The following SLC25A3 variants were observed in gnomAD, a reference collection of about 807,000 sequenced individuals.
SLC25A3 encodes the protein solute carrier family 25 member 3.
A neutral mutation model predicts 37.1 loss-of-function variants in SLC25A3; 14 were observed. The observed-to-expected ratio is 0.38, with a 90% confidence interval of 0.25 to 0.59. The LOEUF (loss-of-function observed/expected upper bound fraction) is 0.59, where lower values mean the gene tolerates loss of function less well. SLC25A3 is among the 20% of genes least tolerant of loss of function. The probability of loss-of-function intolerance (pLI) is 0.67; values close to 1 mark genes in which losing one functional copy is unlikely to be tolerated. For synonymous variants in SLC25A3, 161 were observed against 168.7 expected, an observed-to-expected ratio of 0.95 and a Z score of 0.36; for missense variants, 385 against 458.1, an observed-to-expected ratio of 0.84 and a Z score of 1.46.
In SLC25A3 at chr12:98,595,753, A is replaced by C. The variant is rs753178528; in HGVS notation, c.184A>C (p.Lys62Gln). The stretch of plus-strand genomic sequence containing the variant: ...GTACAGTTGTGAATTTGGCTCCGCG[A>C]AGTATTATGCACTGTGTGGCTTTGG... ...EEYSCEFGSA[K>Q]YYALCGFGGV... Residue 62 changes from lysine to glutamine, a missense_variant, in exon 3 of 8, where the codon AAG (lysine) becomes CAG (glutamine). Physicochemically the swap from Lys to Gln is moderately conservative, Grantham distance 53. Around this residue, in one of 2 missense-constraint regions of SLC25A3, gnomAD observed 109 missense variants for 90.5 expected, o/e 1.20. Coordinates refer to ENST00000552981, the MANE Select transcript of SLC25A3 (RefSeq NM_002635.4). 1 of 1,614,098 alleles carries C rather than the reference A, an allele frequency of 6.2e-7. No individual in the cohort carries two copies.
At chr12:98,597,829 AT>A (rs771406641) in intron 3 of SLC25A3, 26 bp from the exon 4 acceptor site, 363 of 1,529,284 alleles carry the variant, frequency 2.4e-4, no homozygotes, top group Middle Eastern at 5.2e-4. Context: ...GGTGCATTTA[AT>A]TTTTTTTTTC....
At position 98,594,459 on chromosome 12, in the gene SLC25A3, C is replaced by T. The variant is rs147625673; in HGVS notation, c.157+324C>T. 36 of 657,528 alleles carry T rather than the reference C, an allele frequency of 5.5e-5. No individual in the cohort carries two copies. In the East Asian group the frequency reaches 9.5e-4, roughly 17 times the overall value. 40.7% of individuals were successfully genotyped at this position (657,528 alleles called of 1,614,324 possible). A position where few individuals can be genotyped will look rare whatever the true frequency, so the allele number is the denominator to read the frequency against. On this transcript the variant is annotated intron_variant, in intron 2 of 7. Transcript: ENST00000552981. Reference sequence around the variant, plus strand: ...GCAAACTAAGTACTGGGTAAACTCTCCTCCCGAAACTACTGACCACCCACA... The same window carrying T: ...GCAAACTAAGTACTGGGTAAACTCTTCTCCCGAAACTACTGACCACCCACA...
Position 98,593,999 on chromosome 12 carries a change from CCTGGCGCGGGCGAA to C in SLC25A3, c.23_36del (p.Leu8ProfsTer45). On this transcript the variant is annotated frameshift_variant, in exon 2 of 8. Coordinates refer to ENST00000552981, the MANE Select transcript of SLC25A3 (RefSeq NM_002635.4). LOFTEE classifies it high-confidence loss of function. ...GAAAGATGTTCTCGTCCGTGGCGCA[CCTGGCGCGGGCGAA>C]CCCCTTCAACACGCCACATCTGCAG... is the stretch of plus-strand genomic sequence containing the variant. 6.2e-7 allele frequency: 1 copy of C among 1,613,898 alleles called. No individual in the cohort carries two copies. Among genetic ancestry groups the C allele is most frequent in the Non-Finnish European group, 8.5e-7 (1 of 1,179,878 alleles).
In SLC25A3 at chr12:98,601,532, G is replaced by C. The variant is rs928840773; in HGVS notation, c.*4G>C. The C allele has an allele frequency of 6.3e-7, 1 of 1,584,496 alleles. No individual in the cohort carries two copies. Among genetic ancestry groups the C allele is most frequent in the African/African-American group, 1.3e-5 (1 of 74,432 alleles). ...GAAGCTTGGGTTAACTCAGTAGTTA[G>C]ATCAAAGCAAATGTGGACTGAATCT... is the stretch of plus-strand genomic sequence containing the variant. On this transcript the variant is annotated 3_prime_UTR_variant, in exon 8 of 8. Coordinates refer to ENST00000552981, the MANE Select transcript of SLC25A3 (RefSeq NM_002635.4).
Position 98,601,442 on chromosome 12 carries a change from T to C in SLC25A3, c.1000T>C (p.Ser334Pro), listed in dbSNP as rs373384258. 1 of 1,614,086 alleles carries C rather than the reference T, an allele frequency of 6.2e-7. No homozygotes were observed. Among genetic ancestry groups the C allele is most frequent in the Non-Finnish European group, 8.5e-7 (1 of 1,179,958 alleles). Residue 334 changes from serine to proline, a missense_variant, in exon 8 of 8, where the codon TCC (serine) becomes CCC (proline). Coordinates refer to ENST00000552981, the MANE Select transcript of SLC25A3 (RefSeq NM_002635.4). The stretch of plus-strand genomic sequence containing the variant: ...TGCACTACAGTGGTTTATCTATGAC[T>C]CCGTGAAGGTCTACTTCAGACTTCC... The part of the protein sequence containing the change: ...LTALQWFIYD[S>P]VKVYFRLPRP...
At chr12:98,601,127 T>G (rs1228859205) in intron 6 of SLC25A3, 44 bp from the exon 7 acceptor site, 1 of 1,601,204 alleles carries the variant, frequency 6.2e-7, no homozygotes, top group Non-Finnish European at 8.5e-7. Context: ...CTGTGAAGTT[T>G]TGTTTTTAAC....
chr12:98,593,916 G>C, intron 1 of SLC25A3, 59 bp from the exon 2 acceptor site: 1 of 1,605,090 alleles, frequency 6.2e-7, no homozygotes. Flanking sequence ...GTTCCAGGGC[G>C]CCGGTAACGT....
At position 98,595,424 on chromosome 12, in the gene SLC25A3, A is replaced by G. The variant is rs745305932; in HGVS notation, c.158-303A>G. The G allele has an allele frequency of 4.3e-6, 7 of 1,611,730 alleles. No homozygotes were observed. In the Admixed American group the frequency reaches 5.0e-5, roughly 12 times the overall value. Reference sequence around the variant, plus strand: ...TACTTACTTGATTTTTTTTTTTCCAATCAAACAGAGCAGTATAGCTGTGAC... The same window carrying G: ...TACTTACTTGATTTTTTTTTTTCCAGTCAAACAGAGCAGTATAGCTGTGAC... On this transcript the variant is annotated intron_variant, in intron 2 of 7. Coordinates refer to ENST00000552981, the MANE Select transcript of SLC25A3 (RefSeq NM_002635.4).
intron 2 of SLC25A3, chr12:98,594,985 C>T (rs1399707933): frequency 5.1e-6 from 1 of 196,212 alleles, no homozygotes; most frequent in African/African-American, 2.4e-5. Flanking sequence ...TATTTGACTG[C>T]AGGAATTTGT....
At position 98,599,948 on chromosome 12, in the gene SLC25A3, T is replaced by C. The variant is rs532741172; in HGVS notation, c.642-7T>C. Reference sequence around the variant, plus strand: ...AACTGTGTAAAACAAGTCTCTTGATTTCCTAGATTCTACAAGGGGGTTGCT... The same window carrying C: ...AACTGTGTAAAACAAGTCTCTTGATCTCCTAGATTCTACAAGGGGGTTGCT... On this transcript the variant is annotated splice_region_variant and splice_polypyrimidine_tract_variant and intron_variant, in intron 5 of 7. Coordinates refer to ENST00000552981, the MANE Select transcript of SLC25A3 (RefSeq NM_002635.4). 3 of 1,613,850 alleles carry C rather than the reference T, an allele frequency of 1.9e-6. No homozygotes were observed. The highest frequency in any genetic ancestry group is 2.2e-5 in the South Asian group (2 of 91,074).
chr12:98,597,682 C>T, intron 3 of SLC25A3, 174 bp from the exon 4 acceptor site: 3 of 850,424 alleles, frequency 3.5e-6, no homozygotes, highest in Non-Finnish European at 5.3e-6. Context: ...CCTCAGCCTC[C>T]CAAAGTGCTG....
chr12:98,601,627 A>G lies in SLC25A3; in HGVS notation c.*99A>G, dbSNP rs1592980907. ...TATTTGACAGTGTAGGAAATTGTCT[A>G]TTCCTGATATAATTACTGTAGTACT... On this transcript the variant is annotated 3_prime_UTR_variant, in exon 8 of 8. Coordinates refer to ENST00000552981, the MANE Select transcript of SLC25A3 (RefSeq NM_002635.4). 1.3e-6 allele frequency: 1 copy of G among 795,458 alleles called. No homozygotes were observed. Among genetic ancestry groups the G allele is most frequent in the Admixed American group, 1.9e-5 (1 of 51,300 alleles). 49.3% of individuals were successfully genotyped at this position (795,458 alleles called of 1,614,324 possible).
intron 1 of SLC25A3, 25 bp downstream of exon 1, chr12:98,593,765 G>GT: frequency 1.6e-6 from 1 of 612,588 alleles, no homozygotes; most frequent in Non-Finnish European, 2.9e-6. Context: ...GCCTTCTCCT[G>GT]TGGCGGGTGT....
rs58696104 is a variant in SLC25A3, at chr12:98,604,269, T to C, written c.*2741T>C. On this transcript the variant is annotated 3_prime_UTR_variant, in exon 8 of 8. Transcript: ENST00000552981. ...CTCTGTCTCAAAAAAAAAAAATATATATATATATATATATATATGAAGCTG... is the reference window on the plus strand; with the variant it reads ...CTCTGTCTCAAAAAAAAAAAATATACATATATATATATATATATGAAGCTG... The C allele has an allele frequency of 3.8e-5, 5 of 133,086 alleles. No individual in the cohort carries two copies. Among genetic ancestry groups the C allele is most frequent in the East Asian group, 2.1e-4 (1 of 4,850 alleles). The allele number at this position is 133,086 out of a possible 1,614,324, so 8.2% of individuals were successfully genotyped here. A position where few individuals can be genotyped will look rare whatever the true frequency, so the allele number is the denominator to read the frequency against.
chr12:98,600,749 G>GTT (rs2097597217), intron 6 of SLC25A3, among the ~76,000 whole-genome samples: 1 of 152,158 alleles, frequency 6.6e-6, no homozygotes, highest in Admixed American at 6.5e-5. Flanking sequence ...ATGTTGATGA[G>GTT]TCTGGTCTCA....
intron 6 of SLC25A3, among the ~76,000 whole-genome samples, chr12:98,600,380 A>G (rs558539025): frequency 1.6e-4 from 25 of 151,708 alleles, no homozygotes; most frequent in Admixed American, 2.6e-4. Context: ...TGGGACGGGC[A>G]TGCACCGCCA....
chr12:98,594,617 T>C, intron 2 of SLC25A3: 1 of 499,290 alleles, frequency 2.0e-6, no homozygotes, highest in South Asian at 2.2e-5. Context: ...TAACTAGATG[T>C]CCTGTTTTCG....
rs1037713161 is a variant in SLC25A3, at chr12:98,604,713, C to G, written c.*3185C>G. 2 of 148,518 alleles carry G rather than the reference C, an allele frequency of 1.3e-5. No homozygotes were observed. The highest frequency in any genetic ancestry group is 2.9e-5 in the Non-Finnish European group (2 of 67,854). The allele number at this position is 148,518 out of a possible 1,614,324, so 9.2% of individuals were successfully genotyped here. ...CCTGGCCTCAAGCAACTTTCCTGCC[C>G]CAGCTCCTAAAGCGGCCAGGGTTAC... On this transcript the variant is annotated 3_prime_UTR_variant, in exon 8 of 8. Transcript: ENST00000552981.
intron 2 of SLC25A3, chr12:98,594,440 T>C: frequency 1.5e-6 from 1 of 683,854 alleles, no homozygotes; most frequent in Non-Finnish European, 2.7e-6. Context: ...GTCAGCAAAC[T>C]AAGTACTGGG....
Sources: gnomAD v4.1 joint callset for allele counts (sites outside exome capture counted in the v4.1 genomes callset) on GRCh38, gnomAD v4.1.1 for gene constraint, gnomAD v4.1.1 regional missense constraint, MANE v1.5 for transcripts, NCBI Gene and HGNC (gene_info 2026-07-23, HGNC 2026-07-21) for gene names.